SPATA6: variants seen among roughly 807,000 people sequenced by gnomAD.
SPATA6 encodes the protein spermatogenesis associated 6.
Under a neutral mutation model 65.3 loss-of-function variants are expected in SPATA6, and 56 were observed. The ratio of observed to expected loss-of-function variants is 0.86; its 90% CI spans 0.69 to 1.07. The LOEUF (loss-of-function observed/expected upper bound fraction) is 1.07. Among genes scored for constraint, SPATA6 ranks in the 50% least tolerant of loss-of-function variants. The pLI is 0.00. For synonymous variants in SPATA6, 199 were observed against 213.2 expected (o/e 0.93, Z 0.58); for missense variants, 590 against 594.8 (o/e 0.99, Z 0.08).
chr1:48,377,744 A>T (rs1557637775), intron 9 of SPATA6, among the ~76,000 whole-genome samples: 1 of 152,192 alleles, frequency 6.6e-6, no homozygotes, highest in Admixed American at 6.5e-5. Flanking sequence ...TTAAAGAGAT[A>T]AAGAGATATT....
At chr1:48,330,626 G>C (rs1204211503) in intron 11 of SPATA6, among the ~76,000 whole-genome samples, 1 of 152,218 alleles carries the variant, frequency 6.6e-6, no homozygotes, top group African/African-American at 2.4e-5. Flanking sequence ...CACCTGCTAG[G>C]CTTTCCAGCC....
Position 48,386,254 on chromosome 1 carries a change from T to G in SPATA6, c.869-905A>C, listed in dbSNP as rs754044610. 3.0e-4 allele frequency among the ~76,000 whole-genome samples: 46 copies of G among 152,372 alleles called. 1 individual carries two copies. The highest frequency in any genetic ancestry group is 6.8e-3 in the Middle Eastern group (2 of 294). On this transcript the variant is annotated intron_variant, in intron 8 of 12. Coordinates refer to ENST00000371847, the MANE Select transcript of SPATA6 (RefSeq NM_019073.4). ...TGGATTTTAAAACTAATTCTAAATT[T>G]ATCCGTAAGATAATAACCACTACAT...
intron 3 of SPATA6, among the ~76,000 whole-genome samples, chr1:48,426,301 G>A (rs1177409126): frequency 6.6e-6 from 1 of 152,132 alleles, no homozygotes; most frequent in Non-Finnish European, 1.5e-5. Flanking sequence ...CTGGAAAGGG[G>A]TTTGTTCATT....
chr1:48,323,052 C>T (rs1468737049), intron 11 of SPATA6, among the ~76,000 whole-genome samples: 4 of 152,078 alleles, frequency 2.6e-5, no homozygotes, highest in Admixed American at 2.6e-4. Context: ...ACCATTTGAC[C>T]CAGCAATCCC....
At chr1:48,406,244 A>G (rs1182919603) in intron 5 of SPATA6, among the ~76,000 whole-genome samples, 1 of 152,052 alleles carries the variant, frequency 6.6e-6, no homozygotes, top group East Asian at 1.9e-4. Context: ...AAACAAAACA[A>G]AAGAATCCCT....
intron 11 of SPATA6, among the ~76,000 whole-genome samples, chr1:48,317,200 A>T (rs1191092615): frequency 6.6e-6 from 1 of 152,252 alleles, no homozygotes; most frequent in Non-Finnish European, 1.5e-5. Flanking sequence ...AGGATTATAA[A>T]TCATGCTGTG....
intron 11 of SPATA6, among the ~76,000 whole-genome samples, chr1:48,341,812 G>A (rs1010224465): frequency 9.9e-5 from 15 of 152,108 alleles, no homozygotes; most frequent in African/African-American, 3.4e-4. Context: ...TAGTTAAGTT[G>A]AGAAAGGCAT....
chr1:48,376,596 G>T (rs1647937476), intron 9 of SPATA6, among the ~76,000 whole-genome samples: 1 of 150,856 alleles, frequency 6.6e-6, no homozygotes, highest in Non-Finnish European at 1.5e-5. Flanking sequence ...TCTAGGTAGA[G>T]AACATCTTCA....
chr1:48,328,124 T>C (rs570552480), intron 11 of SPATA6, among the ~76,000 whole-genome samples: 2 of 152,182 alleles, frequency 1.3e-5, no homozygotes, highest in South Asian at 4.1e-4. Flanking sequence ...AAGGGAAATG[T>C]ACATCAAAAC....
At chr1:48,435,517 G>C (rs1654831692) in intron 3 of SPATA6, among the ~76,000 whole-genome samples, 1 of 151,458 alleles carries the variant, frequency 6.6e-6, no homozygotes, top group Non-Finnish European at 1.5e-5. Context: ...AGCACTCTTG[G>C]TCTAGCTAAA....
chr1:48,303,123 A>T (rs1232674678), intron 12 of SPATA6, among the ~76,000 whole-genome samples: 3 of 152,044 alleles, frequency 2.0e-5, no homozygotes, highest in Non-Finnish European at 4.4e-5. Flanking sequence ...ATATTCAGTA[A>T]ATTTTTAAAG....
At chr1:48,463,185 A>T (rs375767262) in intron 1 of SPATA6, among the ~76,000 whole-genome samples, 1 of 152,208 alleles carries the variant, frequency 6.6e-6, no homozygotes, top group South Asian at 2.1e-4. Flanking sequence ...AGCCGTCATC[A>T]AGTGAGCCAA....
At chr1:48,293,696 T>C (rs528820152), downstream of SPATA6, among the ~76,000 whole-genome samples, 43 of 152,356 alleles carry the variant, frequency 2.8e-4, no homozygotes, top group African/African-American at 9.6e-4. Flanking sequence ...CTTATTTCCT[T>C]CTTACTTCAC....
Position 48,388,711 on chromosome 1 carries a change from A to AC in SPATA6, c.869-3363_869-3362insG, listed in dbSNP as rs1381968210. ...TTGACTGAACTACAAAATACATTTGATTTTTTTTTTTTTTTGAGATAGGGT... is the reference window on the plus strand; with the variant it reads ...TTGACTGAACTACAAAATACATTTGACTTTTTTTTTTTTTTTGAGATAGGGT... On this transcript the variant is annotated intron_variant, in intron 8 of 12. Coordinates refer to ENST00000371847, the MANE Select transcript of SPATA6 (RefSeq NM_019073.4). 4.7e-3 allele frequency among the ~76,000 whole-genome samples: 665 copies of AC among 142,622 alleles called. 2 individuals carry two copies. The highest frequency in any genetic ancestry group is 7.9e-3 in the Non-Finnish European group (514 of 64,814). 93.6% of individuals were successfully genotyped at this position (142,622 alleles called of 152,430 possible). A position where few individuals can be genotyped will look rare whatever the true frequency, so the allele number is the denominator to read the frequency against.
intron 11 of SPATA6, among the ~76,000 whole-genome samples, chr1:48,319,990 T>A (rs1645554542): frequency 6.6e-6 from 1 of 152,168 alleles, no homozygotes; most frequent in Admixed American, 6.5e-5. Context: ...CTTAGTGTCA[T>A]GCCCCCAGTG....
intron 3 of SPATA6, among the ~76,000 whole-genome samples, chr1:48,415,438 T>G (rs12137230): frequency 0.078 from 11,838 of 152,198 alleles, 619 homozygotes; most frequent in East Asian, 0.23. Flanking sequence ...TTTGTTTTTG[T>G]TTTTAACACA....
Position 48,374,066 on chromosome 1 carries a change from G to A in SPATA6, c.909+11243C>T, listed in dbSNP as rs1188948674. 2.0e-5 allele frequency among the ~76,000 whole-genome samples: 3 copies of A among 152,316 alleles called. No individual in the cohort carries two copies. The East Asian group carries it at 5.8e-4, about 29-fold the overall frequency. ...CCTGCAATTAGGCTTAGAAGTATGG[G>A]AAAGTGTGTGTATAGCCGATAAGTA... On this transcript the variant is annotated intron_variant, in intron 9 of 12. Coordinates refer to ENST00000371847, the MANE Select transcript of SPATA6 (RefSeq NM_019073.4).
At chr1:48,451,440 T>C in intron 3 of SPATA6, 112 bp downstream of exon 3, 2 of 846,932 alleles carry the variant, frequency 2.4e-6, no homozygotes, top group South Asian at 2.5e-5. Context: ...TCAAGATTTT[T>C]AAAGTTCTAC....
rs1194817601 is a variant in SPATA6, at chr1:48,295,939, C to G, written c.*2774G>C. The G allele has an allele frequency of 6.6e-6, 1 of 151,906 alleles. No individual in the cohort carries two copies. The highest frequency in any genetic ancestry group is 2.4e-5 in the African/African-American group (1 of 41,348). The allele number at this position is 151,906 out of a possible 1,614,324, so 9.4% of individuals were successfully genotyped here. ...ACCTTGTTGGTGAGAAAACTGAGCT[C>G]CAAGAAGCATAAATGACTTAAATAA... On this transcript the variant is annotated 3_prime_UTR_variant, in exon 13 of 13. Transcript: ENST00000371847.
Sources: allele counts gnomAD v4.1 joint callset (sites outside exome capture counted in the v4.1 genomes callset), GRCh38; gene constraint gnomAD v4.1.1; transcripts MANE v1.5; gene names NCBI Gene and HGNC (gene_info 2026-07-23, HGNC 2026-07-21).